Variants in PKP2 observed in about 807,000 individuals in gnomAD.
The protein encoded by PKP2 is plakophilin-2.
Under a neutral mutation model 83.4 loss-of-function variants are expected in PKP2, and 73 were observed. That is an observed-to-expected ratio of 0.88 (90% CI 0.72 to 1.06). The LOEUF is 1.06. Among genes scored for constraint, PKP2 ranks in the 50% least tolerant of loss-of-function variants. The probability of loss-of-function intolerance (pLI) is 0.00; values close to 1 mark genes in which losing one functional copy is unlikely to be tolerated. For synonymous variants in PKP2, 409 were observed against 430.4 expected (o/e 0.95, Z 0.62); for missense variants, 966 against 1,065.4 (o/e 0.91, Z 1.30).
intron 9 of PKP2, 37 bp from the exon 10 acceptor site, chr12:32,802,593 T>C: frequency 6.3e-7 from 1 of 1,589,526 alleles, no homozygotes. Context: ...TGCTATTGTA[T>C]TTGATTTCAC....
chr12:32,858,080 AAAAAATATATAT>A (rs1337988610), intron 4 of PKP2, among the ~76,000 whole-genome samples: 1 of 54,400 alleles, frequency 1.8e-5, no homozygotes, highest in African/African-American at 9.7e-5. Flanking sequence ...AAAAAAAAAA[AAAAAATATATAT>A]ATATATATAT....
chr12:32,796,024 G>A, intron 11 of PKP2, 85 bp downstream of exon 11: 1 of 1,171,118 alleles, frequency 8.5e-7, no homozygotes, highest in South Asian at 1.2e-5. Flanking sequence ...TGATGGTCAT[G>A]ACCGCACATT....
intron 5 of PKP2, among the ~76,000 whole-genome samples, chr12:32,850,555 G>T (rs572532417): frequency 6.7e-6 from 1 of 148,372 alleles, no homozygotes; most frequent in South Asian, 2.1e-4. Context: ...GATAGAGCAA[G>T]ATTCTGTCTC....
chr12:32,860,655 A>C (rs1436176341), intron 4 of PKP2, among the ~76,000 whole-genome samples: 1 of 152,166 alleles, frequency 6.6e-6, no homozygotes, highest in Admixed American at 6.5e-5. Context: ...GATGCAGCAA[A>C]CCACCATGGC....
At chr12:32,884,242 T>A (rs1318983036) in intron 1 of PKP2, among the ~76,000 whole-genome samples, 2 of 152,120 alleles carry the variant, frequency 1.3e-5, no homozygotes, top group Admixed American at 1.3e-4. Context: ...TCGCCTGAGG[T>A]CAGCAGTTCA....
intron 11 of PKP2, chr12:32,792,956 T>C (rs533340065): frequency 2.8e-5 from 15 of 537,356 alleles, no homozygotes; most frequent in Non-Finnish European, 4.7e-5. Context: ...TGCTAATAAA[T>C]AAATAGTTTA....
intron 10 of PKP2, 125 bp from the exon 11 acceptor site, chr12:32,796,423 C>T (rs1956125535): frequency 2.2e-6 from 2 of 897,226 alleles, no homozygotes; most frequent in Admixed American, 2.2e-5. Context: ...TGCTCTGTTG[C>T]CCAGGCTGGA....
intron 3 of PKP2, among the ~76,000 whole-genome samples, chr12:32,876,936 TTAAGA>T (rs1181962675): frequency 2.0e-5 from 3 of 152,264 alleles, no homozygotes; most frequent in Non-Finnish European, 2.9e-5. Context: ...ATTTCCTGTG[TTAAGA>T]TTAGATTAGC....
intron 4 of PKP2, among the ~76,000 whole-genome samples, chr12:32,868,078 T>C (rs184925796): frequency 9.2e-5 from 14 of 152,320 alleles, no homozygotes; most frequent in African/African-American, 3.4e-4. Context: ...TGGTTCTAAA[T>C]GGAGAGGTTG....
rs781271804 is a variant in PKP2 at position 32,878,076 on chromosome 12, G to A, written c.804C>T (p.Val268=). Residue 268 remains valine, a synonymous_variant, in exon 3 of 13, where the codon GTC becomes GTT. Coordinates refer to ENST00000340811, the MANE Select transcript of PKP2 (RefSeq NM_001005242.3). ...GGGGCACCAGCGGCCTGACCTGCCC[G>A]ACAGTGAGCCCTGCCGTCAGGTAGT... is the stretch of plus-strand genomic sequence containing the variant. ...KENYLTAGLT[V]GQVRPLVPLQ... 39 of 1,613,948 alleles carry A rather than the reference G, an allele frequency of 2.4e-5. No homozygotes were observed. Among genetic ancestry groups the A allele is most frequent in the South Asian group, 6.6e-5 (6 of 91,078 alleles).
intron 1 of PKP2, among the ~76,000 whole-genome samples, chr12:32,881,718 G>A (rs1308191775): frequency 6.6e-6 from 1 of 152,144 alleles, no homozygotes; most frequent in Non-Finnish European, 1.5e-5. Context: ...GCAATGGCAC[G>A]ATCTCGGCTC....
At chr12:32,841,001 A>G in intron 6 of PKP2, 27 bp downstream of exon 6, 2 of 1,590,516 alleles carry the variant, frequency 1.3e-6, no homozygotes, top group Non-Finnish European at 1.7e-6. Flanking sequence ...TGCATCTTCT[A>G]TCAGGGCAGG....
intron 6 of PKP2, among the ~76,000 whole-genome samples, chr12:32,836,378 C>T (rs1302941226): frequency 1.3e-5 from 2 of 152,186 alleles, no homozygotes; most frequent in Non-Finnish European, 2.9e-5. Context: ...ATAAGTTATG[C>T]ATGTTCTCTT....
intron 10 of PKP2, among the ~76,000 whole-genome samples, chr12:32,797,445 C>CAAAAAAAAAAAAAA (rs548021913): frequency 6.0e-5 from 4 of 67,178 alleles, no homozygotes; most frequent in Admixed American, 2.0e-4. Context: ...GACCCTGTCT[C>CAAAAAAAAAAAAAA]AAAAAAAAAA....
chr12:32,850,897 C>A lies in PKP2; in HGVS notation c.1247G>T (p.Cys416Phe). 2 of 1,614,106 alleles carry A rather than the reference C, an allele frequency of 1.2e-6. No individual in the cohort carries two copies. The highest frequency in any genetic ancestry group is 2.2e-5 in the East Asian group (1 of 44,882). Residue 416 changes from cysteine to phenylalanine, a missense_variant, in exon 5 of 13, where the codon TGT becomes TTT. By Grantham distance (205) the Cys-to-Phe change is radical. Coordinates refer to ENST00000340811, the MANE Select transcript of PKP2 (RefSeq NM_001005242.3). ...AAATACTAAGTTTCTCAAGGCCCCA[C>A]ACACAGCTCGCTGAACGTCTTCATT... ...VQNEDVQRAV[C>F]GALRNLVFED... is the part of the protein sequence containing the mutation.
intron 4 of PKP2, among the ~76,000 whole-genome samples, chr12:32,868,091 G>A (rs1046919217): frequency 3.3e-5 from 5 of 152,322 alleles, no homozygotes; most frequent in Middle Eastern, 6.8e-3. Flanking sequence ...AGAGGTTGGG[G>A]AGACAGGAAA....
rs147330168 is a variant in PKP2 at position 32,896,012 on chromosome 12, C to A, written c.223+497G>T. 5.3e-3 allele frequency among the ~76,000 whole-genome samples: 802 copies of A among 152,320 alleles called. 5 individuals are homozygous for A. Among genetic ancestry groups the A allele is most frequent in the African/African-American group, 0.018 (760 of 41,582 alleles). On this transcript the variant is annotated intron_variant, in intron 1 of 12. Transcript: ENST00000340811. ...AGTACTTGCATAAGACAGCACAATC[C>A]CAATTTATAGGTTGTAGGAGCGCCA...
intron 5 of PKP2, among the ~76,000 whole-genome samples, chr12:32,842,977 A>G (rs1299003805): frequency 6.7e-6 from 1 of 148,572 alleles, no homozygotes; most frequent in Non-Finnish European, 1.5e-5. Flanking sequence ...CTGGCCCAGC[A>G]ATTCCTACTT....
chr12:32,890,146 AAT>A (rs1157168687), intron 1 of PKP2, among the ~76,000 whole-genome samples: 4 of 151,656 alleles, frequency 2.6e-5, no homozygotes, highest in South Asian at 4.2e-4. Flanking sequence ...ATATTTGAAT[AAT>A]ATATGTTTAC....
Sources: allele counts gnomAD v4.1 joint callset (sites outside exome capture counted in the v4.1 genomes callset), GRCh38; gene constraint gnomAD v4.1.1; transcripts MANE v1.5; gene names NCBI Gene and HGNC (gene_info 2026-07-23, HGNC 2026-07-21).